Variants in UNC50 observed in about 807,000 individuals in gnomAD.
The protein encoded by UNC50 is unc-50 inner nuclear membrane RNA binding protein, also known as protein unc-50 homolog.
UNC50 carries 24 observed loss-of-function variants against 31.5 expected under a neutral mutation model. The observed-to-expected ratio is 0.76, with a 90% CI of 0.55 to 1.07. The LOEUF (loss-of-function observed/expected upper bound fraction) is 1.07, where lower values mean the gene tolerates loss of function less well. Among genes scored for constraint, UNC50 ranks in the 50% least tolerant of loss-of-function variants. The probability of loss-of-function intolerance (pLI) is 0.00; values close to 1 mark genes in which losing one functional copy is unlikely to be tolerated. For synonymous variants in UNC50, 118 were observed against 114.7 expected (o/e 1.03, Z -0.18); for missense variants, 245 against 304.2 (o/e 0.81, Z 1.45).
chr2:98,610,998 TTACTAA>T (rs1428077304), intron 3 of UNC50, 103 bp downstream of exon 3: 7 of 1,338,184 alleles, frequency 5.2e-6, no homozygotes, highest in Non-Finnish European at 7.0e-6. Flanking sequence ...CCAGGTAGAG[TTACTAA>T]ATGATCAATT....
At position 98,616,551 on chromosome 2, in the gene UNC50, A is replaced by G. The variant is rs1700925572; in HGVS notation, c.643+18A>G. Reference sequence around the variant, plus strand: ...ATACAGTGGTAAGTAATTTTTTTAAATGTTTTTGGTTGAGAACATAGCAAG... The same window carrying G: ...ATACAGTGGTAAGTAATTTTTTTAAGTGTTTTTGGTTGAGAACATAGCAAG... On this transcript the variant is annotated intron_variant, in intron 5 of 5. Coordinates refer to ENST00000357765, the MANE Select transcript of UNC50 (RefSeq NM_014044.7). The G allele has an allele frequency of 1.2e-6, 2 of 1,600,238 alleles. No individual in the cohort carries two copies. The highest frequency in any genetic ancestry group is 1.7e-5 in the Admixed American group (1 of 59,640).
At position 98,616,200 on chromosome 2, in the gene UNC50, C is replaced by T; in HGVS notation, c.402-7C>T. On this transcript the variant is annotated splice_region_variant and splice_polypyrimidine_tract_variant and intron_variant, in intron 3 of 5. Transcript: ENST00000357765. Reference sequence around the variant, plus strand: ...TATTATGAAAGAAATTTTAATTTTGCTCTTAGGTTCATCTCTAACAAGTAT... The same window carrying T: ...TATTATGAAAGAAATTTTAATTTTGTTCTTAGGTTCATCTCTAACAAGTAT... 2 of 1,597,500 alleles carry T rather than the reference C, an allele frequency of 1.3e-6. 1 individual carries two copies.
Position 98,610,886 on chromosome 2 carries a change from C to T in UNC50, c.392C>T (p.Thr131Ile). 1 of 1,613,890 alleles carries T rather than the reference C, an allele frequency of 6.2e-7. No homozygotes were observed. Among genetic ancestry groups the T allele is most frequent in the Non-Finnish European group, 8.5e-7 (1 of 1,179,894 alleles). Residue 131 changes from threonine (T) to isoleucine (I), a missense_variant, in exon 3 of 6, where the codon ACT becomes ATT. Thr to Ile is a moderately conservative substitution (Grantham distance 89). Coordinates refer to ENST00000357765, the MANE Select transcript of UNC50 (RefSeq NM_014044.7). ...GTAGGCGTTGGTCTTCTGATAGCAA[C>T]TTTAATGTGGTAAGTACCATAACTT... ...DCVGVGLLIA[T>I]LMWFISNKYL... is the part of the protein sequence containing the mutation.
intron 3 of UNC50, among the ~76,000 whole-genome samples, chr2:98,612,803 G>A (rs752309159): frequency 6.6e-6 from 1 of 152,244 alleles, no homozygotes; most frequent in Non-Finnish European, 1.5e-5. Flanking sequence ...TCACACAGAT[G>A]TGTTGGTTCC....
intron 3 of UNC50, among the ~76,000 whole-genome samples, chr2:98,614,048 G>A (rs560797965): frequency 6.6e-6 from 1 of 152,292 alleles, no homozygotes; most frequent in South Asian, 2.1e-4. Flanking sequence ...TGCCATTCAG[G>A]AAAAAAATTG....
rs1405759232 is a variant in UNC50, at chr2:98,608,626, G to C, written c.-105G>C. 3.4e-6 allele frequency: 2 copies of C among 586,262 alleles called. No homozygotes were observed. Among genetic ancestry groups the C allele is most frequent in the Non-Finnish European group, 6.0e-6 (2 of 330,628 alleles). 36.3% of individuals were successfully genotyped at this position (586,262 alleles called of 1,614,324 possible). ...GCGGCGCGCCCCAAGGGCCGGCTCC[G>C]TTGAGGGAAGGGAAGCCCGCCCGGT... is the stretch of plus-strand genomic sequence containing the variant. On this transcript the variant is annotated 5_prime_UTR_variant, in exon 1 of 6. Transcript: ENST00000357765.
At chr2:98,615,270 T>C (rs1038746666) in intron 3 of UNC50, among the ~76,000 whole-genome samples, 3 of 152,212 alleles carry the variant, frequency 2.0e-5, no homozygotes, top group African/African-American at 7.2e-5. Flanking sequence ...TAATATCATC[T>C]ACACACTGAT....
At chr2:98,618,012 G>A in intron 5 of UNC50, 156 bp from the exon 6 acceptor site, 1 of 788,916 alleles carries the variant, frequency 1.3e-6, no homozygotes, top group Non-Finnish European at 1.9e-6. Flanking sequence ...GGGAAGAGTA[G>A]TCTAGTTCTG....
intron 5 of UNC50, among the ~76,000 whole-genome samples, chr2:98,617,794 T>C (rs1700955664): frequency 6.6e-6 from 1 of 152,212 alleles, no homozygotes; most frequent in South Asian, 2.1e-4. Context: ...CATCCATCTC[T>C]GTACTTTAAG....
chr2:98,612,003 G>A (rs1417792557), intron 3 of UNC50, among the ~76,000 whole-genome samples: 4 of 105,474 alleles, frequency 3.8e-5, no homozygotes, highest in African/African-American at 1.4e-4. Context: ...ACACACACAC[G>A]GGCTTTATCA....
At chr2:98,609,693 G>T (rs781656060) in intron 1 of UNC50, 63 bp from the exon 2 acceptor site, 1 of 1,607,398 alleles carries the variant, frequency 6.2e-7, no homozygotes, top group Non-Finnish European at 8.5e-7. Flanking sequence ...CTCAGAAGAG[G>T]AGTGTCGGTA....
chr2:98,608,872 C>G (rs1700762126), intron 1 of UNC50, 146 bp downstream of exon 1: 1 of 251,940 alleles, frequency 4.0e-6, no homozygotes, highest in Admixed American at 5.4e-5. Flanking sequence ...AGAGTTGCGG[C>G]TAAAATGAAA....
At chr2:98,615,396 A>T (rs1008501394) in intron 3 of UNC50, among the ~76,000 whole-genome samples, 1 of 151,780 alleles carries the variant, frequency 6.6e-6, no homozygotes, top group African/African-American at 2.4e-5. Context: ...ACTTCCGCAC[A>T]CTCCTTCCCA....
At chr2:98,611,386 T>G (rs1700826083) in intron 3 of UNC50, among the ~76,000 whole-genome samples, 1 of 152,198 alleles carries the variant, frequency 6.6e-6, no homozygotes, top group Non-Finnish European at 1.5e-5. Flanking sequence ...TTCTTTTGAG[T>G]CTTTGATCTG....
chr2:98,618,404 T>TA lies in UNC50; in HGVS notation c.*103dup. ...TAAACTATCATCTTTGTAGATATCT[T>TA]AAAGGTGTAAAGTTTGCAAATTTGA... On this transcript the variant is annotated 3_prime_UTR_variant, in exon 6 of 6. Coordinates refer to ENST00000357765, the MANE Select transcript of UNC50 (RefSeq NM_014044.7). 1 of 1,302,422 alleles carries TA rather than the reference T, an allele frequency of 7.7e-7. No individual in the cohort carries two copies. Among genetic ancestry groups the TA allele is most frequent in the South Asian group, 2.2e-5 (1 of 46,130 alleles). 80.7% of individuals were successfully genotyped at this position (1,302,422 alleles called of 1,614,324 possible).
At chr2:98,610,091 T>G (rs765362157) in intron 2 of UNC50, 52 bp downstream of exon 2, 33 of 1,525,698 alleles carry the variant, frequency 2.2e-5, no homozygotes, top group Non-Finnish European at 2.8e-5. Context: ...TCTGATTAGA[T>G]TTTTTGTTAT....
In UNC50 at chr2:98,609,752, C is replaced by T. The variant is rs1345887117; in HGVS notation, c.-4-4C>T. On this transcript the variant is annotated splice_region_variant and splice_polypyrimidine_tract_variant and intron_variant, in intron 1 of 5. Coordinates refer to ENST00000357765, the MANE Select transcript of UNC50 (RefSeq NM_014044.7). ...TGTAAAAGAAATGTTTTTCTTCCATCTAGGAAGATGTTACCGAGTACTTCA... is the reference window on the plus strand; with the variant it reads ...TGTAAAAGAAATGTTTTTCTTCCATTTAGGAAGATGTTACCGAGTACTTCA... 1.1e-5 allele frequency: 17 copies of T among 1,614,044 alleles called. No individual in the cohort carries two copies. The highest frequency in any genetic ancestry group is 2.2e-5 in the South Asian group (2 of 91,088).
At chr2:98,611,359 A>G (rs931230701) in intron 3 of UNC50, among the ~76,000 whole-genome samples, 3 of 152,240 alleles carry the variant, frequency 2.0e-5, no homozygotes, top group Non-Finnish European at 4.4e-5. Flanking sequence ...CAGTTAGATA[A>G]GAGACAAATG....
rs986628604 is a variant in UNC50 at position 98,608,852 on chromosome 2, G to T, written c.-5+126G>T. ...TGACCATGTCGGCGTCCGGCCCCTCGGCCGGCGATAGAGTTGCGGCTAAAA... is the reference window on the plus strand; with the variant it reads ...TGACCATGTCGGCGTCCGGCCCCTCTGCCGGCGATAGAGTTGCGGCTAAAA... On this transcript the variant is annotated intron_variant, in intron 1 of 5. Coordinates refer to ENST00000357765, the MANE Select transcript of UNC50 (RefSeq NM_014044.7). The T allele has an allele frequency of 1.6e-5, 4 of 254,898 alleles. No individual in the cohort carries two copies. The Admixed American group carries it at 2.2e-4, about 14-fold the overall frequency. The allele number at this position is 254,898 out of a possible 1,614,324, so 15.8% of individuals were successfully genotyped here. A position where few individuals can be genotyped will look rare whatever the true frequency, so the allele number is the denominator to read the frequency against.
Sources: gnomAD v4.1 joint callset for allele counts (sites outside exome capture counted in the v4.1 genomes callset) on GRCh38, gnomAD v4.1.1 for gene constraint, MANE v1.5 for transcripts, NCBI Gene and HGNC (gene_info 2026-07-23, HGNC 2026-07-21) for gene names.